The following KRT37 variants were observed in gnomAD, a reference collection of about 807,000 sequenced individuals.
KRT37 encodes keratin, type I cuticular Ha7.
KRT37 carries 38 observed loss-of-function variants against 41.9 expected under a neutral mutation model. That is an observed-to-expected ratio of 0.91 (90% CI 0.70 to 1.19). KRT37 has a LOEUF of 1.19. KRT37 is among the 50% of genes most tolerant of loss of function. The probability of loss-of-function intolerance (pLI) is 0.00; values close to 1 mark genes in which losing one functional copy is unlikely to be tolerated. For synonymous variants in KRT37, 252 were observed against 243.4 expected (o/e 1.04, Z -0.33); for missense variants, 580 against 575.5 (o/e 1.01, Z -0.08).
chr17:41,421,075 A>G (rs906323187), intron 6 of KRT37, 89 bp from the exon 7 acceptor site: 1 of 1,003,042 alleles, frequency 1.0e-6, no homozygotes, highest in Non-Finnish European at 1.5e-6. Context: ...TGGGCCTGCC[A>G]CCAACAAGGC....
intron 6 of KRT37, 90 bp downstream of exon 6, chr17:41,421,277 G>C: frequency 7.4e-7 from 1 of 1,358,488 alleles, no homozygotes; most frequent in South Asian, 1.3e-5. Flanking sequence ...TGTTTGTTAA[G>C]ATGATATCTT....
chr17:41,424,314 G>A lies in KRT37; in HGVS notation c.210C>T (p.Pro70=), dbSNP rs1456577763. ...AGGGACAAGCAGTGTGACTGGTTGG[G>A]GGCAGACAGAGGCTGGGGCGGCCCA... ...TPLGRPSLCL[P]PTSHTACPLP... Residue 70 remains proline, a synonymous_variant, in exon 1 of 7, where the codon CCC becomes CCT. Transcript: ENST00000225550. 1 of 1,614,150 alleles carries A rather than the reference G, an allele frequency of 6.2e-7. No individual in the cohort carries two copies. The highest frequency in any genetic ancestry group is 8.5e-7 in the Non-Finnish European group (1 of 1,179,974).
rs201439644 is a variant in KRT37, at chr17:41,424,033, T to C, written c.491A>G (p.Lys164Arg). ...TGCCCAGGCGATCCCACACCTCACC[T>C]TCTGCTGGAGCTCCTCGATTGTACG... ...YFRTIEELQQ[K>R]ILCSKAENAR... The change falls in exon 1 of 7, where the codon AAG becomes AGG. Residue 164 changes from lysine to arginine, a missense_variant and splice_region_variant. Coordinates refer to ENST00000225550, the MANE Select transcript of KRT37 (RefSeq NM_003770.5). 1.1e-4 allele frequency: 174 copies of C among 1,611,844 alleles called. No homozygotes were observed. Among genetic ancestry groups the C allele is most frequent in the Non-Finnish European group, 1.4e-4 (169 of 1,178,100 alleles).
intron 6 of KRT37, 88 bp downstream of exon 6, chr17:41,421,279 T>G: frequency 1.5e-5 from 21 of 1,373,620 alleles, no homozygotes; most frequent in East Asian, 2.3e-5. Context: ...TTTGTTAAGA[T>G]GATATCTTCT....
Position 41,424,559 on chromosome 17 carries a change from A to T in KRT37, c.-36T>A. On this transcript the variant is annotated 5_prime_UTR_variant, in exon 1 of 7. Transcript: ENST00000225550. The stretch of plus-strand genomic sequence containing the variant: ...TGAGGCTGCACAGGAGCTTCAGATC[A>T]GCTGGGAAGGCTGAGCCACTGAGAC... The T allele has an allele frequency of 6.5e-7, 1 of 1,529,686 alleles. No individual in the cohort carries two copies. Among genetic ancestry groups the T allele is most frequent in the Non-Finnish European group, 8.8e-7 (1 of 1,137,318 alleles). The allele number at this position is 1,529,686 out of a possible 1,614,324, so 94.8% of individuals were successfully genotyped here. A position where few individuals can be genotyped will look rare whatever the true frequency, so the allele number is the denominator to read the frequency against.
At chr17:41,421,739 TTC>T in intron 5 of KRT37, 152 bp from the exon 6 acceptor site, 1 of 785,612 alleles carries the variant, frequency 1.3e-6, no homozygotes, top group Non-Finnish European at 2.0e-6. Flanking sequence ...TGACCATGAC[TTC>T]TCTCTCATGC....
Position 41,422,947 on chromosome 17 carries a change from G to A in KRT37, c.576-13C>T. ...CTCACTCTCCAGCCTTCCGTCACAG[G>A]AGGCACAGGGTCAAAAAGAATGCCC... On this transcript the variant is annotated splice_polypyrimidine_tract_variant and intron_variant, in intron 2 of 6. Coordinates refer to ENST00000225550, the MANE Select transcript of KRT37 (RefSeq NM_003770.5). 2 of 1,607,994 alleles carry A rather than the reference G, an allele frequency of 1.2e-6. No homozygotes were observed. The highest frequency in any genetic ancestry group is 1.7e-6 in the Non-Finnish European group (2 of 1,176,534).
intron 1 of KRT37, 45 bp from the exon 2 acceptor site, chr17:41,423,889 T>C (rs374056841): frequency 1.2e-6 from 2 of 1,610,034 alleles, no homozygotes; most frequent in African/African-American, 2.7e-5. Context: ...CACCATACTC[T>C]AAGCTCCCAC....
In KRT37 at chr17:41,424,513, A is replaced by G; in HGVS notation, c.11T>C (p.Phe4Ser). 1.3e-6 allele frequency: 2 copies of G among 1,579,198 alleles called. No homozygotes were observed. The highest frequency in any genetic ancestry group is 1.2e-5 in the South Asian group (1 of 85,660). Residue 4 changes from phenylalanine to serine, a missense_variant, in exon 1 of 7, where the codon TTC becomes TCC. Transcript: ENST00000225550. ...CAGAGGGCATGAGGAGGTGCTGTAGAAGGAGGTCATGGTGTAGGGCTGAGG... is the reference window on the plus strand; with the variant it reads ...CAGAGGGCATGAGGAGGTGCTGTAGGAGGAGGTCATGGTGTAGGGCTGAGG... MTS[F>S]YSTSSCPLGC...
rs1311773057 is a variant in KRT37, at chr17:41,421,936, G to C, written c.1020+133C>G. On this transcript the variant is annotated intron_variant, in intron 5 of 6. Transcript: ENST00000225550. ...GTCACACTGAACTTGACAGCAAGAC[G>C]TCTCCATCGGGTATAGAGGACCCCA... is the stretch of plus-strand genomic sequence containing the variant. 2.3e-5 allele frequency: 33 copies of C among 1,464,224 alleles called. No homozygotes were observed. In the Admixed American group the frequency reaches 2.4e-4, roughly 11 times the overall value. 90.7% of individuals were successfully genotyped at this position (1,464,224 alleles called of 1,614,324 possible).
In KRT37 at chr17:41,424,016, C is replaced by A. The variant is rs201557624; in HGVS notation, c.492+16G>T. On this transcript the variant is annotated intron_variant, in intron 1 of 6. Coordinates refer to ENST00000225550, the MANE Select transcript of KRT37 (RefSeq NM_003770.5). ...CCTTCTCAGACCCAGCATGCCCAGG[C>A]GATCCCACACCTCACCTTCTGCTGG... 3 of 1,609,208 alleles carry A rather than the reference C, an allele frequency of 1.9e-6. No individual in the cohort carries two copies. Among genetic ancestry groups the A allele is most frequent in the Non-Finnish European group, 2.6e-6 (3 of 1,176,356 alleles).
At position 41,422,129 on chromosome 17, in the gene KRT37, G is replaced by C. The variant is rs747814297; in HGVS notation, c.960C>G (p.Ile320Met). 31 of 1,614,204 alleles carry C rather than the reference G, an allele frequency of 1.9e-5. No homozygotes were observed. The Middle Eastern group carries it at 4.9e-4, about 26-fold the overall frequency. ...SEELQCCQSE[I>M]LELRCTVNAL... Reference sequence around the variant, plus strand: ...CATTCACCGTGCATCTCAGCTCCAGGATCTCCGACTGGCAGCACTGCAGCT... The same window carrying C: ...CATTCACCGTGCATCTCAGCTCCAGCATCTCCGACTGGCAGCACTGCAGCT... The change falls in exon 5 of 7, where the codon ATC becomes ATG. Residue 320 changes from isoleucine to methionine, a missense_variant. Transcript: ENST00000225550.
At chr17:41,421,108 C>A in intron 6 of KRT37, 122 bp from the exon 7 acceptor site, 2 of 799,364 alleles carry the variant, frequency 2.5e-6, no homozygotes, top group East Asian at 2.6e-5. Context: ...GAATCTATAC[C>A]AACAGTTCTC....
In KRT37 at chr17:41,421,416, C is replaced by G; in HGVS notation, c.1192G>C (p.Glu398Gln). The change falls in exon 6 of 7, where the codon GAG becomes CAG. Residue 398 changes from glutamate (E) to glutamine (Q), a missense_variant. Physicochemically the swap from Glu to Gln is conservative, Grantham distance 29. Transcript: ENST00000225550. The stretch of plus-strand genomic sequence containing the variant: ...TTCCGGTATGTGGCAATCTCGTTCT[C>G]CAACCGGGCCTTCACGTCCAGCAGC... ...QVLLDVKARL[E>Q]NEIATYRNLL... 2 of 1,614,248 alleles carry G rather than the reference C, an allele frequency of 1.2e-6. No individual in the cohort carries two copies. The highest frequency in any genetic ancestry group is 4.5e-5 in the East Asian group (2 of 44,890).
chr17:41,421,453 C>G lies in KRT37; in HGVS notation c.1155G>C (p.Gln385His). The G allele has an allele frequency of 6.2e-7, 1 of 1,614,244 alleles. No individual in the cohort carries two copies. The highest frequency in any genetic ancestry group is 8.5e-7 in the Non-Finnish European group (1 of 1,180,050). Residue 385 changes from glutamine (Q) to histidine (H), a missense_variant, in exon 6 of 7, where the codon CAG becomes CAC. By Grantham distance (24) the Gln-to-His change is conservative. Transcript: ENST00000225550. The stretch of plus-strand genomic sequence containing the variant: ...TCACGTCCAGCAGCACCTGGTACTC[C>G]TGGTTCTGCCGCTCCAGGTCGGCCC... The part of the protein sequence containing the change: ...EIRADLERQN[Q>H]EYQVLLDVKA...
chr17:41,420,553 C>T lies in KRT37; in HGVS notation c.*325G>A, dbSNP rs1443488210. Among the ~76,000 whole-genome samples the T allele has an allele frequency of 6.6e-6, 1 of 152,162 alleles. No individual in the cohort carries two copies. The highest frequency in any genetic ancestry group is 1.5e-5 in the Non-Finnish European group (1 of 68,036). On this transcript the variant is annotated 3_prime_UTR_variant, in exon 7 of 7. Coordinates refer to ENST00000225550, the MANE Select transcript of KRT37 (RefSeq NM_003770.5). ...AACACCGGGGAGACAGCACTTGGTG[C>T]AGGAAGGAGGTTTATTGACCATTTA...
intron 1 of KRT37, 48 bp downstream of exon 1, chr17:41,423,984 G>A (rs761310292): frequency 6.2e-6 from 10 of 1,603,492 alleles, no homozygotes; most frequent in East Asian, 4.5e-5. Context: ...TCCTGCGAAG[G>A]CTTCTGCCTT....
chr17:41,421,407 T>G lies in KRT37; in HGVS notation c.1201A>C (p.Ile401Leu). The G allele has an allele frequency of 6.2e-7, 1 of 1,614,180 alleles. No homozygotes were observed. The highest frequency in any genetic ancestry group is 8.5e-7 in the Non-Finnish European group (1 of 1,180,022). ...TCCAGAAGGTTCCGGTATGTGGCAA[T>G]CTCGTTCTCCAACCGGGCCTTCACG... ...LDVKARLENE[I>L]ATYRNLLESE... Residue 401 changes from isoleucine to leucine, a missense_variant, in exon 6 of 7, where the codon ATT becomes CTT. Physicochemically the swap from Ile to Leu is conservative, Grantham distance 5. Transcript: ENST00000225550.
At chr17:41,423,240 C>A in intron 2 of KRT37, 1 of 350,048 alleles carries the variant, frequency 2.9e-6, no homozygotes, top group South Asian at 1.3e-4. Context: ...TAATAGGAGT[C>A]ATTTGGCCAG....
Sources: gnomAD v4.1 joint callset for allele counts (sites outside exome capture counted in the v4.1 genomes callset) on GRCh38, gnomAD v4.1.1 for gene constraint, MANE v1.5 for transcripts, NCBI Gene and HGNC (gene_info 2026-07-23, HGNC 2026-07-21) for gene names.